ANKFN1: variants seen among roughly 807,000 people sequenced by gnomAD.
ANKFN1 encodes the protein ankyrin repeat and fibronectin type-III domain-containing protein 1.
A neutral mutation model predicts 108.7 loss-of-function variants in ANKFN1; 74 were observed. That is an observed-to-expected ratio of 0.68 (90% CI 0.56 to 0.83). ANKFN1 has a LOEUF of 0.83. Among genes scored for constraint, ANKFN1 ranks in the 40% least tolerant of loss-of-function variants. The pLI is 0.00. For synonymous variants in ANKFN1, 547 were observed against 516.2 expected, an observed-to-expected ratio of 1.06 and a Z score of -0.81; for missense variants, 1,505 against 1,382.3, an observed-to-expected ratio of 1.09 and a Z score of -1.41.
chr17:56,356,802 A>G (rs147801289), intron 6 of ANKFN1, among the ~76,000 whole-genome samples: 33 of 152,256 alleles, frequency 2.2e-4, no homozygotes, highest in African/African-American at 7.2e-4. Context: ...GAGAATGCAG[A>G]CTGAGCCCCA....
intron 3 of ANKFN1, among the ~76,000 whole-genome samples, chr17:56,296,699 AAACAACAAC>A (rs572858230): frequency 6.6e-6 from 1 of 151,932 alleles, no homozygotes; most frequent in Non-Finnish European, 1.5e-5. Context: ...ACAAACAAAC[AAACAACAAC>A]AACAACAACA....
chr17:56,305,084 T>C (rs2044780338), intron 3 of ANKFN1, among the ~76,000 whole-genome samples: 1 of 152,134 alleles, frequency 6.6e-6, no homozygotes, highest in South Asian at 2.1e-4. Context: ...AAACTCACAA[T>C]CATGGCAAAA....
In ANKFN1 at chr17:56,092,266, ATT is replaced by A. The variant is rs748898792; in HGVS notation, c.288+45961_288+45962del. On this transcript the variant is annotated intron_variant, in intron 4 of 12. Transcript: ENST00000635860. ...ATGTAGGCACAGGGAGTGAGGTAGT[ATT>A]TTTTTTTTTTTTTTTTTTTGAGATG... Among the ~76,000 whole-genome samples the A allele has an allele frequency of 9.7e-3, 1,079 of 111,298 alleles. 17 individuals are homozygous for A. The highest frequency in any genetic ancestry group is 0.04 in the African/African-American group (996 of 24,862). 73.0% of individuals were successfully genotyped at this position (111,298 alleles called of 152,430 possible). A position where few individuals can be genotyped will look rare whatever the true frequency, so the allele number is the denominator to read the frequency against.
At chr17:56,467,851 AAAAAGG>A (rs1316698750) in intron 15 of ANKFN1, among the ~76,000 whole-genome samples, 1 of 17,140 alleles carries the variant, frequency 5.8e-5, no homozygotes, top group African/African-American at 2.2e-4. Flanking sequence ...AGAAAGAAAG[AAAAAGG>A]GAAAGAAAGA....
intron 3 of ANKFN1, among the ~76,000 whole-genome samples, chr17:56,259,533 C>G (rs1221448534): frequency 6.6e-6 from 1 of 152,064 alleles, no homozygotes; most frequent in African/African-American, 2.4e-5. Context: ...TTTCCTCCTC[C>G]ATAAAATGAA....
At position 56,477,524 on chromosome 17, in the gene ANKFN1, C is replaced by G. The variant is rs199898019; in HGVS notation, c.1810C>G (p.Leu604Val). ...LSYHKRSHQR[L>V]FPGLYLGYLK... Reference sequence around the variant, plus strand: ...CTATCACAAAAGGAGTCATCAGCGTCTCTTTCCTGGATTATATCTGGGTTA... The same window carrying G: ...CTATCACAAAAGGAGTCATCAGCGTGTCTTTCCTGGATTATATCTGGGTTA... Residue 604 changes from leucine (L) to valine (V), a missense_variant, in exon 16 of 21, where the codon CTC (leucine) becomes GTC (valine). Coordinates refer to ENST00000682825, the MANE Select transcript of ANKFN1 (RefSeq NM_001370326.1). The G allele has an allele frequency of 6.2e-6, 10 of 1,608,214 alleles. No homozygotes were observed. Among genetic ancestry groups the G allele is most frequent in the Non-Finnish European group, 8.5e-6 (10 of 1,177,488 alleles).
At chr17:56,408,170 G>A (rs1373329475) in intron 8 of ANKFN1, among the ~76,000 whole-genome samples, 1 of 151,954 alleles carries the variant, frequency 6.6e-6, no homozygotes, top group Non-Finnish European at 1.5e-5. Context: ...CCCAACCTCA[G>A]GGGATCTGCC....
chr17:56,468,009 T>A (rs1402186784), intron 15 of ANKFN1, among the ~76,000 whole-genome samples: 1 of 152,168 alleles, frequency 6.6e-6, no homozygotes, highest in Non-Finnish European at 1.5e-5. Flanking sequence ...GCAGCTTTGC[T>A]TTCATAACTT....
At chr17:56,178,908 T>C (rs1339144295) in intron 1 of ANKFN1, among the ~76,000 whole-genome samples, 9 of 149,748 alleles carry the variant, frequency 6.0e-5, no homozygotes, top group Non-Finnish European at 1.3e-4. Flanking sequence ...AATTCTATTA[T>C]TAATATTAAG....
intron 1 of ANKFN1, among the ~76,000 whole-genome samples, chr17:56,163,410 C>T (rs1353400776): frequency 1.3e-5 from 2 of 152,188 alleles, no homozygotes; most frequent in African/African-American, 4.8e-5. Context: ...AGTCATGTAG[C>T]GGTGCAGAAA....
intron 3 of ANKFN1, among the ~76,000 whole-genome samples, chr17:56,259,907 C>CAA (rs1037484526): frequency 4.1e-5 from 5 of 123,314 alleles, no homozygotes; most frequent in Admixed American, 3.6e-4. Context: ...ACCCCACCTC[C>CAA]AAACACACAC....
At chr17:56,139,601 G>A (rs1907797245) in intron 4 of ANKFN1, among the ~76,000 whole-genome samples, 1 of 152,120 alleles carries the variant, frequency 6.6e-6, no homozygotes, top group Non-Finnish European at 1.5e-5. Context: ...ATAGAAGGTT[G>A]AAAACTTTAA....
chr17:56,087,596 T>C (rs1336909224), intron 4 of ANKFN1, among the ~76,000 whole-genome samples: 1 of 151,300 alleles, frequency 6.6e-6, no homozygotes, highest in African/African-American at 2.4e-5. Flanking sequence ...AAAGTTCCCA[T>C]TGACCCACTT....
Position 56,512,008 on chromosome 17 carries a change from A to G in ANKFN1, c.*739A>G, listed in dbSNP as rs1350708262. ...AGAAAGTAGCCCTTCCTGTATACTCAGCTCCCATCCAAGCATGAAAATGAT... is the reference window on the plus strand; with the variant it reads ...AGAAAGTAGCCCTTCCTGTATACTCGGCTCCCATCCAAGCATGAAAATGAT... On this transcript the variant is annotated 3_prime_UTR_variant, in exon 21 of 21. Coordinates refer to ENST00000682825, the MANE Select transcript of ANKFN1 (RefSeq NM_001370326.1). 6.6e-6 allele frequency among the ~76,000 whole-genome samples: 1 copy of G among 152,156 alleles called. No homozygotes were observed. Among genetic ancestry groups the G allele is most frequent in the Admixed American group, 6.5e-5 (1 of 15,286 alleles).
upstream of ANKFN1, among the ~76,000 whole-genome samples, chr17:56,149,782 A>G (rs149051003): frequency 1.0e-3 from 152 of 152,344 alleles, no homozygotes; most frequent in Admixed American, 3.6e-3. Flanking sequence ...CACACCTGGC[A>G]TGGCAATCCT....
chr17:56,504,050 T>C (rs2051472499), intron 20 of ANKFN1, among the ~76,000 whole-genome samples: 1 of 152,218 alleles, frequency 6.6e-6, no homozygotes, highest in African/African-American at 2.4e-5. Flanking sequence ...CCTTGGAAAC[T>C]CTCCTCAGTG....
At chr17:56,088,545 T>C (rs2143185716) in intron 4 of ANKFN1, among the ~76,000 whole-genome samples, 1 of 151,006 alleles carries the variant, frequency 6.6e-6, no homozygotes, top group South Asian at 2.1e-4. Flanking sequence ...CTCTCTGATA[T>C]GTCCCTCTTT....
upstream of ANKFN1, among the ~76,000 whole-genome samples, chr17:56,151,863 A>T (rs1355962349): frequency 6.6e-6 from 1 of 152,194 alleles, no homozygotes; most frequent in African/African-American, 2.4e-5. Flanking sequence ...CTTGACTTGA[A>T]TCTTCCCTTG....
intron 17 of ANKFN1, among the ~76,000 whole-genome samples, 182 bp downstream of exon 17, chr17:56,481,000 C>T (rs2050679870): frequency 1.3e-5 from 2 of 148,318 alleles, no homozygotes; most frequent in South Asian, 2.1e-4. Context: ...ACACAGCCTG[C>T]GCTTCTGTTC....
Sources: gnomAD v4.1 joint callset for allele counts (sites outside exome capture counted in the v4.1 genomes callset) on GRCh38, gnomAD v4.1.1 for gene constraint, MANE v1.5 for transcripts, NCBI Gene and HGNC (gene_info 2026-07-23, HGNC 2026-07-21) for gene names.